The following CYTH3 variants were observed in gnomAD, a reference collection of about 807,000 sequenced individuals.
CYTH3 encodes the protein cytohesin-3.
In CYTH3, 23 loss-of-function variants were observed where a neutral mutation model predicts 55.1. That is an observed-to-expected ratio of 0.42 (90% CI 0.30 to 0.59). The LOEUF (loss-of-function observed/expected upper bound fraction) is 0.59, where lower values mean the gene tolerates loss of function less well. CYTH3 is among the 20% of genes least tolerant of loss of function. The probability of loss-of-function intolerance (pLI) is 0.20; values close to 1 mark genes in which losing one functional copy is unlikely to be tolerated. For missense variants in CYTH3, 413 were observed against 524.8 expected (o/e 0.79, Z 2.08); for synonymous variants, 249 against 194.9 (o/e 1.28, Z -2.31).
At chr7:6,232,576 C>G (rs1457788682) in intron 1 of CYTH3, among the ~76,000 whole-genome samples, 1 of 152,028 alleles carries the variant, frequency 6.6e-6, no homozygotes, top group Non-Finnish European at 1.5e-5. Context: ...GGGCTCAGAC[C>G]AAAAAGAGTG....
At chr7:6,210,846 A>T (rs1475132414) in intron 1 of CYTH3, among the ~76,000 whole-genome samples, 1 of 152,222 alleles carries the variant, frequency 6.6e-6, no homozygotes, top group East Asian at 1.9e-4. Flanking sequence ...CTTCACTGAT[A>T]AGAGTTGTTA....
chr7:6,255,575 C>A (rs973094728), intron 1 of CYTH3, among the ~76,000 whole-genome samples: 3 of 152,046 alleles, frequency 2.0e-5, no homozygotes, highest in Non-Finnish European at 4.4e-5. Context: ...AGGCCCCCAC[C>A]ACAGCACTGC....
rs557362801 is a variant in CYTH3 at position 6,192,142 on chromosome 7, C to G, written c.35-1611G>C. ...AACTTTATTCTCCAAAAGTTCCACA[C>G]CACAGAGTGAAGAAGAGCTGAGCCA... On this transcript the variant is annotated intron_variant, in intron 1 of 12. Transcript: ENST00000350796. 2.6e-5 allele frequency among the ~76,000 whole-genome samples: 4 copies of G among 152,286 alleles called. No homozygotes were observed. In the South Asian group the frequency reaches 8.3e-4, roughly 32 times the overall value.
intron 1 of CYTH3, among the ~76,000 whole-genome samples, chr7:6,246,248 TA>T (rs1293202773): frequency 4.7e-5 from 7 of 149,662 alleles, no homozygotes; most frequent in Middle Eastern, 3.4e-3. Flanking sequence ...TTTTTTTTTT[TA>T]AAAGAGACAG....
chr7:6,165,514 C>T (rs537958636), intron 11 of CYTH3, 31 bp downstream of exon 11: 10 of 1,609,960 alleles, frequency 6.2e-6, no homozygotes, highest in Middle Eastern at 1.7e-4. Context: ...AGGTGGCTGG[C>T]AGGAGAGAAG....
intron 1 of CYTH3, among the ~76,000 whole-genome samples, chr7:6,260,336 T>C (rs991536773): frequency 1.3e-5 from 2 of 152,184 alleles, no homozygotes; most frequent in African/African-American, 4.8e-5. Flanking sequence ...AGCATTATTA[T>C]TCTAACATGC....
At chr7:6,253,673 G>A (rs746144688) in intron 1 of CYTH3, among the ~76,000 whole-genome samples, 53 of 152,078 alleles carry the variant, frequency 3.5e-4, no homozygotes, top group Non-Finnish European at 5.0e-4. Flanking sequence ...AAAATTAGCC[G>A]GGCGTGGTAG....
At chr7:6,261,082 A>G (rs1348418645) in intron 1 of CYTH3, among the ~76,000 whole-genome samples, 1 of 152,234 alleles carries the variant, frequency 6.6e-6, no homozygotes, top group Non-Finnish European at 1.5e-5. Context: ...TCAGAGAGCT[A>G]CCCATGCAGT....
intron 1 of CYTH3, among the ~76,000 whole-genome samples, chr7:6,266,674 C>T (rs1780501036): frequency 6.6e-6 from 1 of 151,662 alleles, no homozygotes. Flanking sequence ...GATTGCACCT[C>T]GAAGGGCATT....
At chr7:6,249,647 T>C (rs1779909357) in intron 1 of CYTH3, among the ~76,000 whole-genome samples, 1 of 152,260 alleles carries the variant, frequency 6.6e-6, no homozygotes. Flanking sequence ...GTTTCCCATT[T>C]GTAGTTTCCT....
chr7:6,233,897 T>G (rs747291195), intron 1 of CYTH3, among the ~76,000 whole-genome samples: 36 of 151,268 alleles, frequency 2.4e-4, no homozygotes, highest in Middle Eastern at 6.9e-3. Context: ...AGGGCTGCTC[T>G]CTGGTTCTTG....
At chr7:6,172,299 C>G (rs1414400095) in intron 6 of CYTH3, among the ~76,000 whole-genome samples, 1 of 152,072 alleles carries the variant, frequency 6.6e-6, no homozygotes, top group Non-Finnish European at 1.5e-5. Flanking sequence ...GGATTCCAGC[C>G]ACGTCTGGCC....
In CYTH3 at chr7:6,187,692, C is replaced by T. The variant is rs747679549; in HGVS notation, c.147G>A (p.Met49Ile). 5.6e-6 allele frequency: 9 copies of T among 1,614,156 alleles called. No individual in the cohort carries two copies. Among genetic ancestry groups the T allele is most frequent in the African/African-American group, 1.3e-5 (1 of 75,036 alleles). ...ERLKYEIAEV[M>I]TEIDNLTSVE... ...CGGAAGTTAGATTGTCGATCTCTGT[C>T]ATCACCTCTGCAATTTCATATTTCA... is the stretch of plus-strand genomic sequence containing the variant. Residue 49 changes from methionine (M) to isoleucine (I), a missense_variant, in exon 3 of 13, where the codon ATG becomes ATA. Met to Ile is a conservative substitution (Grantham distance 10). Around this residue, in one of 4 missense-constraint regions of CYTH3, gnomAD observed 152 missense variants for 148.1 expected, o/e 1.03. Transcript: ENST00000350796.
chr7:6,177,744 C>G, intron 5 of CYTH3, 79 bp downstream of exon 5: 3 of 1,157,370 alleles, frequency 2.6e-6, no homozygotes, highest in South Asian at 1.3e-5. Flanking sequence ...GTGATGGCCC[C>G]GAAAGTGGAG....
rs1217297301 is a variant in CYTH3 at position 6,162,156 on chromosome 7, A to C, written c.*2788T>G. 2 of 152,538 alleles carry C rather than the reference A, an allele frequency of 1.3e-5. No homozygotes were observed. Among genetic ancestry groups the C allele is most frequent in the African/African-American group, 4.8e-5 (2 of 41,438 alleles). The allele number at this position is 152,538 out of a possible 1,614,324, so 9.4% of individuals were successfully genotyped here. A position where few individuals can be genotyped will look rare whatever the true frequency, so the allele number is the denominator to read the frequency against. ...GCTGCTCCATCTATAAATAGCTCCT[A>C]TTTTCAGTTTGGTACCACATTAAAC... On this transcript the variant is annotated 3_prime_UTR_variant, in exon 13 of 13. Transcript: ENST00000350796.
At chr7:6,237,008 T>C (rs929257342) in intron 1 of CYTH3, among the ~76,000 whole-genome samples, 5 of 152,238 alleles carry the variant, frequency 3.3e-5, no homozygotes, top group Non-Finnish European at 7.3e-5. Flanking sequence ...TTTGGTGAAA[T>C]GCATTTCTTT....
At chr7:6,243,241 G>C (rs1241292628) in intron 1 of CYTH3, among the ~76,000 whole-genome samples, 5 of 152,240 alleles carry the variant, frequency 3.3e-5, no homozygotes, top group Admixed American at 3.3e-4. Context: ...GGTAAGATGA[G>C]AAGAGCCCAG....
chr7:6,214,287 AT>A (rs1784382243), intron 1 of CYTH3, among the ~76,000 whole-genome samples: 1 of 152,188 alleles, frequency 6.6e-6, no homozygotes, highest in Admixed American at 6.5e-5. Context: ...TGTACTTGAA[AT>A]TTTTCATACT....
At chr7:6,233,139 T>G in intron 1 of CYTH3, among the ~76,000 whole-genome samples, 1 of 152,198 alleles carries the variant, frequency 6.6e-6, no homozygotes, top group East Asian at 1.9e-4. Context: ...TCTCTGAAGT[T>G]GCTTTCTCAA....
Sources: gnomAD v4.1 joint callset for allele counts (sites outside exome capture counted in the v4.1 genomes callset) on GRCh38, gnomAD v4.1.1 for gene constraint, gnomAD v4.1.1 regional missense constraint, MANE v1.5 for transcripts, NCBI Gene and HGNC (gene_info 2026-07-23, HGNC 2026-07-21) for gene names.